STIM1: variants seen among roughly 807,000 people sequenced by gnomAD.
STIM1 encodes the protein stromal interaction molecule 1.
STIM1 carries 25 observed loss-of-function variants against 74.7 expected under a neutral mutation model. The ratio of observed to expected loss-of-function variants is 0.33; its 90% confidence interval spans 0.24 to 0.47. STIM1 has a LOEUF of 0.47. Among genes scored for constraint, STIM1 ranks in the 20% least tolerant of loss-of-function variants. STIM1 has a pLI of 1.00. For synonymous variants in STIM1, 328 were observed against 348.8 expected, an observed-to-expected ratio of 0.94 and a Z score of 0.66; for missense variants, 728 against 920.8, an observed-to-expected ratio of 0.79 and a Z score of 2.71.
chr11:4,001,363 G>T (rs1845944993), intron 2 of STIM1, among the ~76,000 whole-genome samples: 1 of 152,064 alleles, frequency 6.6e-6, no homozygotes, highest in South Asian at 2.1e-4. Flanking sequence ...TCAAAGGGAA[G>T]CCCATCAGAC....
In STIM1 at chr11:3,981,247, G is replaced by T. The variant is rs189920250; in HGVS notation, c.270+13565G>T. On this transcript the variant is annotated intron_variant, in intron 2 of 12. Coordinates refer to ENST00000526596, the MANE Select transcript of STIM1 (RefSeq NM_001382567.1). ...CCAGCCAATCCGAGAAATCTTGTTT[G>T]TTCTCCTACAGTGGGAAGTAATCCT... Among the ~76,000 whole-genome samples, 143 of 152,296 alleles carry T rather than the reference G, an allele frequency of 9.4e-4. 2 individuals are homozygous for T. The highest frequency in any genetic ancestry group is 9.3e-3 in the Admixed American group (142 of 15,310).
intron 5 of STIM1, among the ~76,000 whole-genome samples, chr11:4,063,406 G>A (rs559401426): frequency 1.3e-5 from 2 of 152,272 alleles, no homozygotes; most frequent in South Asian, 4.1e-4. Flanking sequence ...TGATCAAGCT[G>A]TTGGTACCAT....
intron 1 of STIM1, among the ~76,000 whole-genome samples, chr11:3,936,008 T>C (rs1361678238): frequency 2.0e-5 from 3 of 152,130 alleles, no homozygotes; most frequent in Non-Finnish European, 2.9e-5. Flanking sequence ...AAATGGACTT[T>C]ATTGAGATAT....
intron 1 of STIM1, among the ~76,000 whole-genome samples, chr11:3,878,708 C>T (rs2091387800): frequency 1.3e-5 from 2 of 152,274 alleles, no homozygotes; most frequent in South Asian, 2.1e-4. Flanking sequence ...ATCTTTGTGT[C>T]ACCATTCCCT....
intron 1 of STIM1, chr11:3,892,390 T>C (rs749154113): frequency 1.8e-5 from 25 of 1,419,186 alleles, no homozygotes; most frequent in Non-Finnish European, 2.4e-5. Context: ...AAGTCAAACT[T>C]ATTAAGAGTT....
At chr11:3,946,311 A>C (rs772032925) in intron 1 of STIM1, among the ~76,000 whole-genome samples, 1 of 152,196 alleles carries the variant, frequency 6.6e-6, no homozygotes, top group African/African-American at 2.4e-5. Context: ...TGTGAGAATT[A>C]AATTAATATG....
At chr11:3,881,203 C>T (rs1393940692) in intron 1 of STIM1, among the ~76,000 whole-genome samples, 1 of 151,776 alleles carries the variant, frequency 6.6e-6, no homozygotes, top group African/African-American at 2.4e-5. Flanking sequence ...ATTTCATCAA[C>T]CCTAAGGAAA....
At chr11:3,959,104 C>G (rs1209753842) in intron 1 of STIM1, among the ~76,000 whole-genome samples, 3 of 152,160 alleles carry the variant, frequency 2.0e-5, no homozygotes, top group Non-Finnish European at 4.4e-5. Context: ...CTAGTACTCT[C>G]AAGTCTTAGT....
intron 1 of STIM1, among the ~76,000 whole-genome samples, chr11:3,905,797 A>G (rs1236306831): frequency 6.6e-6 from 1 of 152,174 alleles, no homozygotes. Flanking sequence ...TCTGCTTCCC[A>G]GTGCTATTTT....
chr11:4,055,480 G>C, intron 3 of STIM1, 46 bp from the exon 4 acceptor site: 2 of 1,435,234 alleles, frequency 1.4e-6, no homozygotes, highest in Non-Finnish European at 1.9e-6. Context: ...AATGAAAGCA[G>C]TGCTTGGCAT....
chr11:3,904,061 G>T (rs1018663915), intron 1 of STIM1, among the ~76,000 whole-genome samples: 1 of 151,830 alleles, frequency 6.6e-6, no homozygotes, highest in African/African-American at 2.4e-5. Flanking sequence ...GCTGGGTGTG[G>T]TGGTATGTGC....
chr11:3,897,302 A>G (rs548810484), intron 1 of STIM1, among the ~76,000 whole-genome samples: 2 of 152,134 alleles, frequency 1.3e-5, no homozygotes, highest in South Asian at 4.2e-4. Context: ...CTGCCTCTTC[A>G]TTGGATTGAC....
At chr11:4,036,548 C>G (rs368107381) in intron 3 of STIM1, among the ~76,000 whole-genome samples, 27 of 152,188 alleles carry the variant, frequency 1.8e-4, no homozygotes, top group East Asian at 1.3e-3. Context: ...AATTGCCATT[C>G]TGACTGGTAT....
At chr11:4,036,612 T>C (rs1043297029) in intron 3 of STIM1, among the ~76,000 whole-genome samples, 4 of 152,228 alleles carry the variant, frequency 2.6e-5, no homozygotes, top group African/African-American at 9.6e-5. Flanking sequence ...ATCAGTGACG[T>C]TGAGCTTTTT....
chr11:3,887,226 G>A (rs2091743425), intron 1 of STIM1, among the ~76,000 whole-genome samples: 1 of 152,160 alleles, frequency 6.6e-6, no homozygotes, highest in African/African-American at 2.4e-5. Flanking sequence ...CCTCTAGGGA[G>A]AGTAAAGCAG....
intron 3 of STIM1, among the ~76,000 whole-genome samples, chr11:4,033,336 T>C (rs974029839): frequency 2.0e-5 from 3 of 152,212 alleles, no homozygotes; most frequent in Non-Finnish European, 4.4e-5. Context: ...GACTTGGCGA[T>C]GCGGGCTCTT....
chr11:3,861,247 T>C (rs1369326280), intron 1 of STIM1, among the ~76,000 whole-genome samples: 1 of 151,712 alleles, frequency 6.6e-6, no homozygotes, highest in Non-Finnish European at 1.5e-5. Flanking sequence ...TTTTTTTTTT[T>C]TTTTGAGATG....
At position 3,856,227 on chromosome 11, in the gene STIM1, C is replaced by T; in HGVS notation, c.-44C>T. ...GGCTCCTGGCTTTGCCTCTGGGATCCCGAGGTGTCCACATCAGACGCATGT... is the reference window on the plus strand; with the variant it reads ...GGCTCCTGGCTTTGCCTCTGGGATCTCGAGGTGTCCACATCAGACGCATGT... On this transcript the variant is annotated 5_prime_UTR_variant, in exon 1 of 13. Coordinates refer to ENST00000526596, the MANE Select transcript of STIM1 (RefSeq NM_001382567.1). 6.2e-7 allele frequency: 1 copy of T among 1,613,168 alleles called. No individual in the cohort carries two copies. The highest frequency in any genetic ancestry group is 1.7e-5 in the Admixed American group (1 of 60,028).
At chr11:3,887,350 C>T in intron 1 of STIM1, among the ~76,000 whole-genome samples, 1 of 152,184 alleles carries the variant, frequency 6.6e-6, no homozygotes. Flanking sequence ...CTGGGCAAAA[C>T]TGGAAACATG....
Sources: gnomAD v4.1 joint callset for allele counts (sites outside exome capture counted in the v4.1 genomes callset) on GRCh38, gnomAD v4.1.1 for gene constraint, MANE v1.5 for transcripts, NCBI Gene and HGNC (gene_info 2026-07-23, HGNC 2026-07-21) for gene names.